Variants in RYR1 observed in about 807,000 individuals in gnomAD.
RYR1 encodes the protein ryanodine receptor 1.
Under a neutral mutation model 583.5 loss-of-function variants are expected in RYR1, and 342 were observed. That is an observed-to-expected ratio of 0.59 (90% confidence interval 0.54 to 0.64). The LOEUF is 0.64. Among genes scored for constraint, RYR1 ranks in the 30% least tolerant of loss-of-function variants. The pLI is 0.00. For synonymous variants in RYR1, 2,791 were observed against 2,822.5 expected, an observed-to-expected ratio of 0.99 and a Z score of 0.35; for missense variants, 6,032 against 6,917.2, an observed-to-expected ratio of 0.87 and a Z score of 4.54.
chr19:38,469,911 A>T (rs114279782), intron 27 of RYR1, among the ~76,000 whole-genome samples: 3 of 116,288 alleles, frequency 2.6e-5, no homozygotes, highest in Non-Finnish European at 5.7e-5. Flanking sequence ...TACAAAAAAT[A>T]AAAAAAAAAA....
In RYR1 at chr19:38,580,122, G is replaced by A. The variant is rs118126378; in HGVS notation, c.14505G>A (p.Gly4835=). The A allele has an allele frequency of 3.8e-3, 6,065 of 1,614,194 alleles. 19 individuals are homozygous for A. Among genetic ancestry groups the A allele is most frequent in the Non-Finnish European group, 4.2e-3 (4,966 of 1,180,042 alleles). The change falls in exon 100 of 106, where the codon GGG becomes GGA. Residue 4835 remains glycine (G), a synonymous_variant. Coordinates refer to ENST00000359596, the MANE Select transcript of RYR1 (RefSeq NM_000540.3). ...TCCTGTCCTCTGTCACCCACAATGG[G>A]AAACAGGTGTGGGGAGGACCTGGCT... ...RTILSSVTHN[G]KQLVMTVGLL...
At position 38,507,726 on chromosome 19, in the gene RYR1, T is replaced by G; in HGVS notation, c.8831T>G (p.Met2944Arg). ...TCTCCATGCAGAGGCCTTAAGGACATGGAACTGGACTCGTCTTCCATTGAA... is the reference window on the plus strand; with the variant it reads ...TCTCCATGCAGAGGCCTTAAGGACAGGGAACTGGACTCGTCTTCCATTGAA... ...GYAVTRGLKD[M>R]ELDSSSIEKR... The change falls in exon 58 of 106, where the codon ATG becomes AGG. Residue 2944 changes from methionine (M) to arginine (R), a missense_variant. This residue lies in a region of RYR1 where 1,493 missense variants were observed against 1,715.5 expected (regional missense o/e 0.87). Transcript: ENST00000359596. 3 of 1,612,076 alleles carry G rather than the reference T, an allele frequency of 1.9e-6. No homozygotes were observed. In the South Asian group the frequency reaches 3.3e-5, roughly 18 times the overall value.
chr19:38,458,191 A>G lies in RYR1; in HGVS notation c.2066A>G (p.Glu689Gly), dbSNP rs1360793096. ...THLRVGWALTEGYTPYPGAGE... is the reference protein window; with the variant it reads ...THLRVGWALTGGYTPYPGAGE... The stretch of plus-strand genomic sequence containing the variant: ...TTGCGGGTGGGCTGGGCCCTCACCG[A>G]GGGCTACACCCCCTACCCTGGGGCC... Residue 689 changes from glutamate (E) to glycine (G), a missense_variant, in exon 18 of 106, where the codon GAG becomes GGG. Glu to Gly is a moderately conservative substitution (Grantham distance 98). Coordinates refer to ENST00000359596, the MANE Select transcript of RYR1 (RefSeq NM_000540.3). 6.2e-7 allele frequency: 1 copy of G among 1,613,898 alleles called. No homozygotes were observed. The highest frequency in any genetic ancestry group is 8.5e-7 in the Non-Finnish European group (1 of 1,180,022).
At chr19:38,477,342 C>A (rs141638236) in intron 29 of RYR1, among the ~76,000 whole-genome samples, 2 of 152,044 alleles carry the variant, frequency 1.3e-5, no homozygotes, top group Non-Finnish European at 2.9e-5. Flanking sequence ...AGAGTTTCAC[C>A]ATATTGGTCA....
At position 38,500,928 on chromosome 19, in the gene RYR1, T is replaced by C. The variant is rs1023384075; in HGVS notation, c.7552T>C (p.Leu2518=). The stretch of plus-strand genomic sequence containing the variant: ...GTATGGCATCGAGAACCAGGACTTC[T>C]TGCTGCACGTGCTGGACGTGGGGTT... ...RVYGIENQDF[L]LHVLDVGFLP... is the part of the protein sequence containing the mutation. The change falls in exon 47 of 106, where the codon TTG becomes CTG. Residue 2518 remains leucine, a synonymous_variant. Coordinates refer to ENST00000359596, the MANE Select transcript of RYR1 (RefSeq NM_000540.3). This position sits in a 1 kb window ranked among gnomAD's most constrained non-coding sequence, Gnocchi z 5.9. 18 of 1,614,000 alleles carry C rather than the reference T, an allele frequency of 1.1e-5. No homozygotes were observed. Among genetic ancestry groups the C allele is most frequent in the East Asian group, 2.2e-5 (1 of 44,896 alleles).
chr19:38,446,547 A>G lies in RYR1; in HGVS notation c.707A>G (p.Asp236Gly), dbSNP rs753072041. 2.5e-6 allele frequency: 4 copies of G among 1,614,022 alleles called. No individual in the cohort carries two copies. Among genetic ancestry groups the G allele is most frequent in the African/African-American group, 1.3e-5 (1 of 75,040 alleles). ...GAGTGTCTGACCATTTCCCCTGCTG[A>G]CAGTGATGACCAGCGCAGGTCTGGG... ...MDECLTISPADSDDQRRLVYY... is the reference protein window; with the variant it reads ...MDECLTISPAGSDDQRRLVYY... The change falls in exon 8 of 106, where the codon GAC becomes GGC. Residue 236 changes from aspartate (D) to glycine (G), a missense_variant. Asp to Gly is a moderately conservative substitution (Grantham distance 94, BLOSUM62 -1). Around this residue, in one of 11 missense-constraint regions of RYR1, gnomAD observed 338 missense variants for 441.6 expected, o/e 0.77. Coordinates refer to ENST00000359596, the MANE Select transcript of RYR1 (RefSeq NM_000540.3).
At chr19:38,492,916 A>G (rs1600796193) in intron 38 of RYR1, among the ~76,000 whole-genome samples, 2 of 152,250 alleles carry the variant, frequency 1.3e-5, no homozygotes, top group African/African-American at 4.8e-5. Flanking sequence ...CTAAAAATAC[A>G]AAAATTAGCT....
At chr19:38,566,062 C>G (rs973741638) in intron 91 of RYR1, among the ~76,000 whole-genome samples, 1 of 151,408 alleles carries the variant, frequency 6.6e-6, no homozygotes, top group African/African-American at 2.4e-5. Context: ...AGTGCAGGGC[C>G]GGACAGAGTG....
At chr19:38,494,118 G>A (rs190292310) in intron 38 of RYR1, among the ~76,000 whole-genome samples, 132 of 152,262 alleles carry the variant, frequency 8.7e-4, no homozygotes, top group African/African-American at 3.0e-3. Context: ...GAAGTGAGCT[G>A]TGATAGCCCC....
Position 38,573,192 on chromosome 19 carries a change from T to C in RYR1, c.14014T>C (p.Phe4672Leu), listed in dbSNP as rs755726525. 6.2e-7 allele frequency: 1 copy of C among 1,613,754 alleles called. No homozygotes were observed. Among genetic ancestry groups the C allele is most frequent in the Admixed American group, 1.7e-5 (1 of 60,010 alleles). The change falls in exon 96 of 106, where the codon TTT becomes CTT. Residue 4672 changes from phenylalanine (F) to leucine (L), a missense_variant. Transcript: ENST00000359596. ...YNCLKVPLVIFKREKELARKL... is the reference protein window; with the variant it reads ...YNCLKVPLVILKREKELARKL... ...CACTATCCAGGTGCCCCTGGTAATC[T>C]TTAAGCGGGAGAAGGAGCTGGCCCG...
chr19:38,488,562 C>T (rs1969404005), intron 34 of RYR1, among the ~76,000 whole-genome samples: 2 of 152,166 alleles, frequency 1.3e-5, no homozygotes, highest in African/African-American at 4.8e-5. Context: ...AGTGCAGTGG[C>T]ATAATATCAG....
chr19:38,474,564 CTTTTTTTTTTTTTTT>C (rs970000046), intron 28 of RYR1, among the ~76,000 whole-genome samples: 4 of 88,226 alleles, frequency 4.5e-5, no homozygotes, highest in East Asian at 5.5e-4. Flanking sequence ...CGCCCGGCTC[CTTTTTTTTTTTTTTT>C]TTTTTTTTTT....
At chr19:38,461,373 G>A (rs1436619256) in intron 20 of RYR1, among the ~76,000 whole-genome samples, 1 of 152,118 alleles carries the variant, frequency 6.6e-6, no homozygotes, top group Non-Finnish European at 1.5e-5. Context: ...TTAACAGATG[G>A]AGAAACTGAG....
At position 38,499,515 on chromosome 19, in the gene RYR1, T is replaced by C. The variant is rs1970000761; in HGVS notation, c.7028-120T>C. On this transcript the variant is annotated intron_variant, in intron 43 of 105. Coordinates refer to ENST00000359596, the MANE Select transcript of RYR1 (RefSeq NM_000540.3). The surrounding 1 kb of genome is among the most constrained non-coding windows in gnomAD (Gnocchi z 7.3). ...AGGGGCCTGGTGTTACCTCTGGAGG[T>C]GTTGGGTCCTGGAGCTGGATGGGAC... 1 of 1,178,182 alleles carries C rather than the reference T, an allele frequency of 8.5e-7. No individual in the cohort carries two copies. Among genetic ancestry groups the C allele is most frequent in the Non-Finnish European group, 1.2e-6 (1 of 825,808 alleles). 73.0% of individuals were successfully genotyped at this position (1,178,182 alleles called of 1,614,324 possible).
chr19:38,466,470 T>G, intron 24 of RYR1, 72 bp downstream of exon 24: 346 of 1,353,610 alleles, frequency 2.6e-4, no homozygotes, highest in Non-Finnish European at 3.2e-4. Context: ...CCCTGATCTC[T>G]GACCTGACTC....
chr19:38,461,572 TAA>T (rs1461258457), intron 20 of RYR1, among the ~76,000 whole-genome samples: 2 of 151,432 alleles, frequency 1.3e-5, no homozygotes, highest in African/African-American at 4.9e-5. Flanking sequence ...TACTAAAAAT[TAA>T]AAGTTAGCTG....
Position 38,448,375 on chromosome 19 carries a change from G to C in RYR1, c.821G>C (p.Arg274Pro), listed in dbSNP as rs368711923. ...CACAGCTGGAGTGGGAGCCACCTGC[G>C]CTGGGGCCAGCCACTCCGAGTCCGG... ...LRISWSGSHL[R>P]WGQPLRVRHV... Residue 274 changes from arginine (R) to proline (P), a missense_variant, in exon 10 of 106, where the codon CGC becomes CCC. Physicochemically the swap from Arg to Pro is moderately radical, Grantham distance 103. This residue lies in a region of RYR1 where 338 missense variants were observed against 441.6 expected (regional missense o/e 0.77). Coordinates refer to ENST00000359596, the MANE Select transcript of RYR1 (RefSeq NM_000540.3). 2.4e-5 allele frequency: 38 copies of C among 1,610,012 alleles called. No homozygotes were observed. The African/African-American group carries it at 4.5e-4, about 19-fold the overall frequency.
At chr19:38,579,590 CAAA>C (rs1236481962) in intron 99 of RYR1, among the ~76,000 whole-genome samples, 2 of 62,214 alleles carry the variant, frequency 3.2e-5, no homozygotes, top group Non-Finnish European at 3.3e-5. Context: ...AACTCCATCT[CAAA>C]AAAAAAAAAA....
intron 3 of RYR1, among the ~76,000 whole-genome samples, chr19:38,442,723 C>G (rs1414740059): frequency 6.6e-6 from 1 of 152,134 alleles, no homozygotes; most frequent in Non-Finnish European, 1.5e-5. Flanking sequence ...CTGGAGGGTC[C>G]TCCCCCACCC....
Sources: gnomAD v4.1 joint callset for allele counts (sites outside exome capture counted in the v4.1 genomes callset) on GRCh38, gnomAD v4.1.1 for gene constraint, gnomAD v4.1.1 regional missense constraint, Gnocchi (gnomAD v3.1) non-coding constraint, MANE v1.5 for transcripts, NCBI Gene and HGNC (gene_info 2026-07-23, HGNC 2026-07-21) for gene names.